CTNND2: variants seen among roughly 807,000 people sequenced by gnomAD.
CTNND2 encodes the protein catenin delta-2.
In CTNND2, 22 loss-of-function variants were observed where a neutral mutation model predicts 144.4. That is an observed-to-expected ratio of 0.15 (90% CI 0.11 to 0.22). The LOEUF (loss-of-function observed/expected upper bound fraction) is 0.22, where lower values mean the gene tolerates loss of function less well. Among genes scored for constraint, CTNND2 ranks in the 10% least tolerant of loss-of-function variants. The probability of loss-of-function intolerance (pLI) is 1.00; values close to 1 mark genes in which losing one functional copy is unlikely to be tolerated. For synonymous variants in CTNND2, 751 were observed against 695.6 expected (o/e 1.08, Z -1.25); for missense variants, 1,353 against 1,618.8 (o/e 0.84, Z 2.82).
intron 1 of CTNND2, among the ~76,000 whole-genome samples, chr5:11,900,443 G>A (rs575461784): frequency 1.3e-5 from 2 of 152,330 alleles, no homozygotes; most frequent in East Asian, 3.9e-4. Context: ...TACTGTTTGT[G>A]ACTATAACTG....
chr5:11,667,213 G>A (rs144009602), intron 2 of CTNND2, among the ~76,000 whole-genome samples: 2 of 152,128 alleles, frequency 1.3e-5, no homozygotes, highest in African/African-American at 4.8e-5. Context: ...TGTGAACAGT[G>A]CCGCAATAAA....
chr5:11,872,251 T>G (rs972996935), intron 1 of CTNND2, among the ~76,000 whole-genome samples: 1 of 152,246 alleles, frequency 6.6e-6, no homozygotes, highest in South Asian at 2.1e-4. Context: ...CCATGGTGTA[T>G]ACGTGCCACA....
At chr5:11,441,766 T>G (rs1356921787) in intron 3 of CTNND2, among the ~76,000 whole-genome samples, 1 of 151,870 alleles carries the variant, frequency 6.6e-6, no homozygotes, top group African/African-American at 2.4e-5. Flanking sequence ...TCTCAGCTCA[T>G]TACCCTGTCT....
At chr5:11,730,320 A>G (rs1787310513) in intron 2 of CTNND2, among the ~76,000 whole-genome samples, 3 of 151,994 alleles carry the variant, frequency 2.0e-5, no homozygotes, top group Admixed American at 1.3e-4. Context: ...TGTGAGATTT[A>G]TTTCTCTTTA....
intron 9 of CTNND2, among the ~76,000 whole-genome samples, chr5:11,255,333 T>C (rs984280733): frequency 6.6e-6 from 1 of 152,222 alleles, no homozygotes; most frequent in Non-Finnish European, 1.5e-5. Flanking sequence ...CAGCTGTCTC[T>C]ACACATCATT....
intron 9 of CTNND2, among the ~76,000 whole-genome samples, chr5:11,317,447 C>T (rs1751627180): frequency 2.0e-5 from 3 of 152,316 alleles, no homozygotes; most frequent in Admixed American, 6.5e-5. Flanking sequence ...ATCACTTCTT[C>T]CCATTTTGCT....
rs554635966 is a variant in CTNND2, at chr5:11,665,712, T to C, written c.174+66424A>G. Reference sequence around the variant, plus strand: ...CTCTATCTTAATATTGATGTGAAACTGAAAACAAAGTGAGGTGTGTATTCA... The same window carrying C: ...CTCTATCTTAATATTGATGTGAAACCGAAAACAAAGTGAGGTGTGTATTCA... On this transcript the variant is annotated intron_variant, in intron 2 of 21. Coordinates refer to ENST00000304623, the MANE Select transcript of CTNND2 (RefSeq NM_001332.4). Among the ~76,000 whole-genome samples the C allele has an allele frequency of 1.6e-4, 25 of 152,176 alleles. 1 individual carries two copies. Among genetic ancestry groups the C allele is most frequent in the Non-Finnish European group, 3.1e-4 (21 of 68,032 alleles).
intron 2 of CTNND2, among the ~76,000 whole-genome samples, chr5:11,576,162 G>A (rs994776822): frequency 5.9e-5 from 9 of 152,044 alleles, no homozygotes; most frequent in Admixed American, 5.2e-4. Context: ...TTGGCCACAA[G>A]TATCTCTTGC....
chr5:11,484,291 T>C (rs1192268275), intron 3 of CTNND2, among the ~76,000 whole-genome samples: 2 of 152,196 alleles, frequency 1.3e-5, no homozygotes, highest in South Asian at 2.1e-4. Flanking sequence ...CTGTCCATCA[T>C]GTTACGCATA....
rs367585702 is a variant in CTNND2, at chr5:11,831,485, G to A, written c.37+72332C>T. ...AGATCGAGACCATCCTGGCTAACAC[G>A]GTGAAACCCCGTCTCTACTAAAAAT... On this transcript the variant is annotated intron_variant, in intron 1 of 21. Coordinates refer to ENST00000304623, the MANE Select transcript of CTNND2 (RefSeq NM_001332.4). Among the ~76,000 whole-genome samples the A allele has an allele frequency of 2.0e-4, 30 of 151,998 alleles. 1 individual carries two copies. The East Asian group carries it at 3.1e-3, about 16-fold the overall frequency.
intron 3 of CTNND2, among the ~76,000 whole-genome samples, chr5:11,559,489 G>T (rs188644011): frequency 6.6e-6 from 1 of 152,314 alleles, no homozygotes; most frequent in African/African-American, 2.4e-5. Context: ...CCCTTCAATA[G>T]TAAAATGGTT....
chr5:11,600,837 T>C (rs1448377576), intron 2 of CTNND2, among the ~76,000 whole-genome samples: 1 of 151,834 alleles, frequency 6.6e-6, no homozygotes, highest in African/African-American at 2.4e-5. Flanking sequence ...AATCAGAAGG[T>C]AATGAGAGCA....
At chr5:11,023,629 T>A (rs532418898) in intron 16 of CTNND2, among the ~76,000 whole-genome samples, 1 of 152,350 alleles carries the variant, frequency 6.6e-6, no homozygotes, top group East Asian at 1.9e-4. Flanking sequence ...AACCTGATGC[T>A]GTTTGTCTCT....
At chr5:11,745,323 A>G (rs1788248839) in intron 1 of CTNND2, among the ~76,000 whole-genome samples, 1 of 152,048 alleles carries the variant, frequency 6.6e-6, no homozygotes, top group Admixed American at 6.6e-5. Flanking sequence ...ATACTATATT[A>G]TTATATCAAC....
chr5:11,668,584 G>C (rs1435681902), intron 2 of CTNND2, among the ~76,000 whole-genome samples: 1 of 152,076 alleles, frequency 6.6e-6, no homozygotes, highest in African/African-American at 2.4e-5. Context: ...ATGGTGTATA[G>C]GAATGCCTGT....
chr5:10,988,093 C>T lies in CTNND2; in HGVS notation c.3343+18G>A, dbSNP rs762206527. On this transcript the variant is annotated intron_variant, in intron 20 of 21. Transcript: ENST00000304623. This position sits in a 1 kb window ranked among gnomAD's most constrained non-coding sequence, Gnocchi z 5.9. ...CAAGCCACCAAGTTCCAGGAGGGGG[C>T]GCGCGAGGGGCGCTCACCTGTCATG... 8.1e-6 allele frequency: 13 copies of T among 1,613,474 alleles called. No homozygotes were observed. The highest frequency in any genetic ancestry group is 2.7e-5 in the African/African-American group (2 of 75,018).
intron 1 of CTNND2, among the ~76,000 whole-genome samples, chr5:11,842,720 G>GA (rs746686111): frequency 2.4e-3 from 308 of 126,934 alleles, no homozygotes; most frequent in Middle Eastern, 4.0e-3. Context: ...CTCGGTCTCA[G>GA]AACAAAAAAA....
At chr5:11,620,068 A>C (rs1780759458) in intron 2 of CTNND2, among the ~76,000 whole-genome samples, 1 of 152,344 alleles carries the variant, frequency 6.6e-6, no homozygotes, top group East Asian at 1.9e-4. Flanking sequence ...TAAAATATAA[A>C]TCTTAAATAA....
chr5:11,139,212 C>T (rs1013802885), intron 12 of CTNND2, among the ~76,000 whole-genome samples: 6 of 152,120 alleles, frequency 3.9e-5, no homozygotes, highest in African/African-American at 9.7e-5. Flanking sequence ...CCACTCACCT[C>T]GGCCTCCCAA....
Sources: gnomAD v4.1 joint callset for allele counts (sites outside exome capture counted in the v4.1 genomes callset) on GRCh38, gnomAD v4.1.1 for gene constraint, Gnocchi (gnomAD v3.1) non-coding constraint, MANE v1.5 for transcripts, NCBI Gene and HGNC (gene_info 2026-07-23, HGNC 2026-07-21) for gene names.